CCDC91: variants seen among roughly 807,000 people sequenced by gnomAD.
CCDC91 encodes the protein coiled-coil domain-containing protein 91.
Under a neutral mutation model 63.2 loss-of-function variants are expected in CCDC91, and 48 were observed. The ratio of observed to expected loss-of-function variants is 0.76; its 90% CI spans 0.60 to 0.97. The LOEUF (loss-of-function observed/expected upper bound fraction) is 0.97, where lower values mean the gene tolerates loss of function less well. CCDC91 is among the 50% of genes least tolerant of loss of function. CCDC91 has a pLI of 0.00. For synonymous variants in CCDC91, 167 were observed against 165.8 expected (o/e 1.01, Z -0.06); for missense variants, 500 against 494.6 (o/e 1.01, Z -0.10).
intron 8 of CCDC91, among the ~76,000 whole-genome samples, chr12:28,423,209 A>C (rs1948114262): frequency 1.3e-5 from 2 of 152,154 alleles, no homozygotes; most frequent in South Asian, 4.1e-4. Context: ...ACCCTAGACT[A>C]CAAATAGAGA....
At chr12:28,341,271 G>T (rs1369099529) in intron 6 of CCDC91, among the ~76,000 whole-genome samples, 1 of 152,108 alleles carries the variant, frequency 6.6e-6, no homozygotes, top group Non-Finnish European at 1.5e-5. Context: ...GGTCTTGGGA[G>T]ATGCAACATT....
chr12:28,257,848 A>G (rs779428527), intron 2 of CCDC91, among the ~76,000 whole-genome samples: 1 of 151,826 alleles, frequency 6.6e-6, no homozygotes, highest in Non-Finnish European at 1.5e-5. Flanking sequence ...TGGAGCCAGT[A>G]TAGTCTTGCA....
At chr12:28,450,276 A>C (rs760711000) in intron 9 of CCDC91, 23 bp downstream of exon 9, 1 of 1,580,980 alleles carries the variant, frequency 6.3e-7, no homozygotes. Flanking sequence ...CTGTGCTCAG[A>C]GTGTAGAAAG....
chr12:28,341,049 C>T (rs992927070), intron 6 of CCDC91, among the ~76,000 whole-genome samples: 9 of 152,136 alleles, frequency 5.9e-5, no homozygotes, highest in African/African-American at 2.2e-4. Flanking sequence ...CTTCTGTCCA[C>T]CCCAATCAAA....
rs139149317 is a variant in CCDC91, at chr12:28,390,981, G to C, written c.655-323G>C. Among the ~76,000 whole-genome samples, 15 of 126,314 alleles carry C rather than the reference G, an allele frequency of 1.2e-4. No homozygotes were observed. The East Asian group carries it at 3.4e-3, about 28-fold the overall frequency. 82.9% of individuals were successfully genotyped at this position (126,314 alleles called of 152,430 possible). On this transcript the variant is annotated intron_variant, in intron 7 of 12. Transcript: ENST00000536442. ...GCAGCTTTCATACACTCTTCATCCTGTGTGGTCTTCACTGAACCAAATTTA... is the reference window on the plus strand; with the variant it reads ...GCAGCTTTCATACACTCTTCATCCTCTGTGGTCTTCACTGAACCAAATTTA...
chr12:28,406,396 G>A (rs1185106788), intron 8 of CCDC91, among the ~76,000 whole-genome samples: 1 of 152,082 alleles, frequency 6.6e-6, no homozygotes, highest in East Asian at 1.9e-4. Flanking sequence ...ACCTAGCTAG[G>A]TCGTATGATC....
Position 28,214,178 on chromosome 12 carries a change from G to A in CCDC91, c.-15+23537G>A, listed in dbSNP as rs573695153. Among the ~76,000 whole-genome samples the A allele has an allele frequency of 5.5e-4, 83 of 152,184 alleles. 1 individual carries two copies. Among genetic ancestry groups the A allele is most frequent in the African/African-American group, 2.0e-3 (81 of 41,514 alleles). ...GATTCAGTTGAAATGGAAGATTCTA[G>A]CCTGGTCACTTTGGACTCCTCATAT... On this transcript the variant is annotated intron_variant, in intron 1 of 12. Transcript: ENST00000536442.
At chr12:28,538,788 T>A (rs1233985864) in intron 12 of CCDC91, among the ~76,000 whole-genome samples, 4 of 152,158 alleles carry the variant, frequency 2.6e-5, no homozygotes, top group Non-Finnish European at 5.9e-5. Context: ...GACTTTTTAA[T>A]GATTGCCATT....
At chr12:28,525,402 A>G (rs570905654) in intron 12 of CCDC91, among the ~76,000 whole-genome samples, 10 of 152,180 alleles carry the variant, frequency 6.6e-5, no homozygotes, top group African/African-American at 2.2e-4. Flanking sequence ...ATGTATTTGC[A>G]TGGTTTTGAA....
intron 2 of CCDC91, among the ~76,000 whole-genome samples, chr12:28,258,587 C>T (rs1372770033): frequency 2.0e-5 from 3 of 151,838 alleles, no homozygotes; most frequent in Non-Finnish European, 4.4e-5. Flanking sequence ...GGTCTCTACC[C>T]TTGGTTATAT....
At chr12:28,248,867 A>C (rs1299129637) in intron 1 of CCDC91, among the ~76,000 whole-genome samples, 1 of 152,222 alleles carries the variant, frequency 6.6e-6, no homozygotes, top group African/African-American at 2.4e-5. Flanking sequence ...TGAATAGTTA[A>C]GAGGAAACAA....
intron 11 of CCDC91, among the ~76,000 whole-genome samples, chr12:28,463,724 C>G (rs1950417225): frequency 6.6e-6 from 1 of 152,066 alleles, no homozygotes; most frequent in Admixed American, 6.6e-5. Flanking sequence ...ATGTCTGTCT[C>G]TGGGGGTAAT....
At chr12:28,460,981 A>G (rs1202156056) in intron 11 of CCDC91, among the ~76,000 whole-genome samples, 1 of 151,982 alleles carries the variant, frequency 6.6e-6, no homozygotes, top group Admixed American at 6.6e-5. Context: ...CTAGAAACCT[A>G]GGTGGTACAG....
intron 4 of CCDC91, among the ~76,000 whole-genome samples, chr12:28,306,263 G>C (rs1305899643): frequency 6.6e-6 from 1 of 152,054 alleles, no homozygotes; most frequent in Non-Finnish European, 1.5e-5. Flanking sequence ...TATGCTAGCT[G>C]CTGAAGGTAG....
intron 3 of CCDC91, among the ~76,000 whole-genome samples, chr12:28,271,326 T>C (rs1319291064): frequency 6.6e-6 from 1 of 152,118 alleles, no homozygotes; most frequent in Non-Finnish European, 1.5e-5. Flanking sequence ...TTTTCTATTG[T>C]CTATTTTATT....
At chr12:28,320,420 A>G (rs1365979450) in intron 6 of CCDC91, among the ~76,000 whole-genome samples, 2 of 151,882 alleles carry the variant, frequency 1.3e-5, no homozygotes, top group Non-Finnish European at 2.9e-5. Flanking sequence ...ATGCCACAAA[A>G]TAGGAAAACA....
At chr12:28,388,261 G>A (rs1945726538) in intron 7 of CCDC91, among the ~76,000 whole-genome samples, 1 of 152,062 alleles carries the variant, frequency 6.6e-6, no homozygotes, top group Non-Finnish European at 1.5e-5. Context: ...GTCCTAGCCA[G>A]AGCAATCAGA....
chr12:28,524,715 A>G (rs1941100319), intron 12 of CCDC91, among the ~76,000 whole-genome samples: 1 of 151,974 alleles, frequency 6.6e-6, no homozygotes, highest in South Asian at 2.1e-4. Context: ...AGCTGTTGTG[A>G]ATGCGTCTGG....
At chr12:28,400,547 G>GT (rs1449678192) in intron 8 of CCDC91, among the ~76,000 whole-genome samples, 1 of 152,070 alleles carries the variant, frequency 6.6e-6, no homozygotes, top group Non-Finnish European at 1.5e-5. Flanking sequence ...TAGAAAATGG[G>GT]TTTTTCTTTT....
Sources: gnomAD v4.1 joint callset for allele counts (sites outside exome capture counted in the v4.1 genomes callset) on GRCh38, gnomAD v4.1.1 for gene constraint, MANE v1.5 for transcripts, NCBI Gene and HGNC (gene_info 2026-07-23, HGNC 2026-07-21) for gene names.